XRCC4: variants seen among roughly 807,000 people sequenced by gnomAD.
XRCC4 encodes the protein X-ray repair cross complementing 4, also known as DNA repair protein XRCC4.
In XRCC4, 28 loss-of-function variants were observed where a neutral mutation model predicts 39.1. The observed-to-expected ratio is 0.72, with a 90% CI of 0.53 to 0.98. The LOEUF is 0.98. Among genes scored for constraint, XRCC4 ranks in the 50% least tolerant of loss-of-function variants. XRCC4 has a pLI of 0.00. For synonymous variants in XRCC4, 123 were observed against 126.4 expected (o/e 0.97, Z 0.18); for missense variants, 350 against 376.4 (o/e 0.93, Z 0.58).
chr5:83,211,953 GAGA>G (rs1158890396), intron 6 of XRCC4, among the ~76,000 whole-genome samples: 1 of 152,102 alleles, frequency 6.6e-6, no homozygotes, highest in Non-Finnish European at 1.5e-5. Flanking sequence ...TGGACATACA[GAGA>G]AACAGGAAAG....
chr5:83,192,319 A>ATATATATTTTT (rs3069585), intron 3 of XRCC4, among the ~76,000 whole-genome samples: 2 of 143,500 alleles, frequency 1.4e-5, no homozygotes, highest in African/African-American at 5.2e-5. Context: ...ATATATATAT[A>ATATATATTTTT]TTTTTTTGAG....
At chr5:83,094,330 CCCCTT>C (rs1745570447) in intron 1 of XRCC4, among the ~76,000 whole-genome samples, 1 of 123,354 alleles carries the variant, frequency 8.1e-6, no homozygotes, top group Non-Finnish European at 1.7e-5. Flanking sequence ...CCCCTCTCCT[CCCCTT>C]CCCTCCGCTC....
At chr5:83,169,475 T>C (rs537856562) in intron 3 of XRCC4, among the ~76,000 whole-genome samples, 1 of 152,290 alleles carries the variant, frequency 6.6e-6, no homozygotes, top group East Asian at 1.9e-4. Flanking sequence ...GAGAAGAAAG[T>C]TGACCTGAAA....
chr5:83,117,629 ATATGTGTGTGTGTG>A (rs1318845781), intron 3 of XRCC4, among the ~76,000 whole-genome samples: 10 of 137,902 alleles, frequency 7.3e-5, no homozygotes, highest in South Asian at 2.5e-4. Flanking sequence ...AGCTACATAT[ATATGTGTGTGTGTG>A]TGTGTGTGTG....
intron 3 of XRCC4, among the ~76,000 whole-genome samples, chr5:83,151,748 G>A (rs542423853): frequency 8.5e-5 from 13 of 152,168 alleles, no homozygotes; most frequent in Non-Finnish European, 1.5e-4. Flanking sequence ...TATTTCTGCC[G>A]AAACCTTACC....
chr5:83,277,536 T>A (rs1320005796), intron 7 of XRCC4, among the ~76,000 whole-genome samples: 3 of 152,216 alleles, frequency 2.0e-5, no homozygotes, highest in Admixed American at 6.5e-5. Flanking sequence ...TTACTGTATA[T>A]AACCCGACCT....
chr5:83,157,393 T>C (rs989230803), intron 3 of XRCC4, among the ~76,000 whole-genome samples: 2 of 152,096 alleles, frequency 1.3e-5, no homozygotes, highest in African/African-American at 4.8e-5. Context: ...AAATAGAGTT[T>C]ATAATCAGTT....
rs1202549221 is a variant in XRCC4 at position 83,218,874 on chromosome 5, C to G, written c.745+13953C>G. Reference sequence around the variant, plus strand: ...TATGTGTAAAATTTTCTATGTTTATCTGTCTATATATCTATTTGTATATCT... The same window carrying G: ...TATGTGTAAAATTTTCTATGTTTATGTGTCTATATATCTATTTGTATATCT... On this transcript the variant is annotated intron_variant, in intron 6 of 7. Transcript: ENST00000396027. 2.0e-5 allele frequency among the ~76,000 whole-genome samples: 3 copies of G among 152,144 alleles called. No individual in the cohort carries two copies. In the South Asian group the frequency reaches 6.2e-4, roughly 32 times the overall value.
intron 7 of XRCC4, among the ~76,000 whole-genome samples, chr5:83,327,033 C>T (rs757185813): frequency 3.3e-5 from 5 of 151,974 alleles, no homozygotes; most frequent in Non-Finnish European, 7.4e-5. Context: ...GGAAATATTT[C>T]TATCTATATT....
chr5:83,132,694 G>T (rs1747661908), intron 3 of XRCC4, among the ~76,000 whole-genome samples: 1 of 151,942 alleles, frequency 6.6e-6, no homozygotes, highest in African/African-American at 2.4e-5. Context: ...GCCTGTGCAT[G>T]CGGCATGTAG....
At chr5:83,096,643 G>A (rs1291321537) in intron 1 of XRCC4, among the ~76,000 whole-genome samples, 1 of 152,144 alleles carries the variant, frequency 6.6e-6, no homozygotes, top group African/African-American at 2.4e-5. Context: ...ATTTTTGTTT[G>A]TGGATGGCTG....
At chr5:83,193,957 T>C (rs933687650) in intron 3 of XRCC4, among the ~76,000 whole-genome samples, 1 of 152,166 alleles carries the variant, frequency 6.6e-6, no homozygotes, top group Non-Finnish European at 1.5e-5. Flanking sequence ...TTTTCGAGAC[T>C]GAGTCTCGCT....
intron 3 of XRCC4, among the ~76,000 whole-genome samples, chr5:83,140,051 ATG>A (rs1403946157): frequency 6.6e-6 from 1 of 152,156 alleles, no homozygotes; most frequent in East Asian, 1.9e-4. Context: ...TTTTCACAAT[ATG>A]TTCACTTATT....
chr5:83,236,066 A>G (rs1752675471), intron 6 of XRCC4, among the ~76,000 whole-genome samples: 1 of 152,146 alleles, frequency 6.6e-6, no homozygotes, highest in Non-Finnish European at 1.5e-5. Flanking sequence ...AAGAAATTAA[A>G]GGGTCCACAA....
At chr5:83,103,009 G>GATATATATATATACATAT (rs1554054065) in intron 1 of XRCC4, among the ~76,000 whole-genome samples, 8 of 106,464 alleles carry the variant, frequency 7.5e-5, no homozygotes, top group Admixed American at 1.9e-4. Flanking sequence ...AGATAGAGCT[G>GATATATATATATACATAT]ATATATATAT....
chr5:83,286,800 G>T (rs890486035), intron 7 of XRCC4, among the ~76,000 whole-genome samples: 3 of 152,094 alleles, frequency 2.0e-5, no homozygotes, highest in South Asian at 2.1e-4. Flanking sequence ...AGAAGATTGA[G>T]AAGGAATGTT....
At chr5:83,133,977 G>C (rs1580269883) in intron 3 of XRCC4, among the ~76,000 whole-genome samples, 1 of 152,202 alleles carries the variant, frequency 6.6e-6, no homozygotes, top group East Asian at 1.9e-4. Context: ...AGTTGGGGCT[G>C]TGCGTGGTGC....
intron 1 of XRCC4, among the ~76,000 whole-genome samples, chr5:83,087,505 AT>A (rs1745236799): frequency 6.6e-6 from 1 of 151,622 alleles, no homozygotes; most frequent in African/African-American, 2.4e-5. Context: ...TCTACTAAAA[AT>A]ACAAAAATCA....
At chr5:83,267,404 T>C (rs771052291) in intron 7 of XRCC4, among the ~76,000 whole-genome samples, 7 of 152,138 alleles carry the variant, frequency 4.6e-5, no homozygotes, top group Non-Finnish European at 8.8e-5. Context: ...TGCATGTGCC[T>C]ATCAACCTAG....
Sources: gnomAD v4.1 joint callset for allele counts (sites outside exome capture counted in the v4.1 genomes callset) on GRCh38, gnomAD v4.1.1 for gene constraint, MANE v1.5 for transcripts, NCBI Gene and HGNC (gene_info 2026-07-23, HGNC 2026-07-21) for gene names.